TNKS: variants seen among roughly 807,000 people sequenced by gnomAD.
TNKS encodes the protein poly [ADP-ribose] polymerase tankyrase-1.
In TNKS, 72 loss-of-function variants were observed where a neutral mutation model predicts 135.8. The observed-to-expected ratio is 0.53, with a 90% confidence interval of 0.44 to 0.64. The LOEUF is 0.64. TNKS is among the 30% of genes least tolerant of loss of function. TNKS has a pLI of 0.00. For synonymous variants in TNKS, 849 were observed against 649.3 expected (o/e 1.31, Z -4.68); for missense variants, 1,769 against 1,674.0 (o/e 1.06, Z -0.99).
At chr8:9,677,033 C>A (rs551380405) in intron 3 of TNKS, among the ~76,000 whole-genome samples, 4 of 152,238 alleles carry the variant, frequency 2.6e-5, no homozygotes, top group African/African-American at 9.6e-5. Flanking sequence ...AGAACTGGTG[C>A]TTTGGCTGTT....
intron 26 of TNKS, among the ~76,000 whole-genome samples, chr8:9,772,091 G>C (rs1384868895): frequency 6.8e-6 from 1 of 146,962 alleles, no homozygotes; most frequent in Non-Finnish European, 1.5e-5. Context: ...GAGAAGGAGG[G>C]AGGGAGAAAC....
At chr8:9,773,143 ATTATAC>A (rs1808032301) in intron 26 of TNKS, among the ~76,000 whole-genome samples, 1 of 151,724 alleles carries the variant, frequency 6.6e-6, no homozygotes, top group Non-Finnish European at 1.5e-5. Flanking sequence ...TTATTCAGTA[ATTATAC>A]TTCTTCTAGA....
At position 9,580,219 on chromosome 8, in the gene TNKS, G is replaced by C. The variant is rs1330658210; in HGVS notation, c.734G>C (p.Arg245Pro). 5.0e-6 allele frequency: 8 copies of C among 1,613,972 alleles called. No homozygotes were observed. Among genetic ancestry groups the C allele is most frequent in the Non-Finnish European group, 6.8e-6 (8 of 1,180,030 alleles). The change falls in exon 2 of 27, where the codon CGT (arginine) becomes CCT (proline). Residue 245 changes from arginine (R) to proline (P), a missense_variant. Physicochemically the swap from Arg to Pro is moderately radical, Grantham distance 103 (BLOSUM62 -2). Around this residue, in one of 5 missense-constraint regions of TNKS, gnomAD observed 523 missense variants for 541.0 expected, o/e 0.97. Transcript: ENST00000310430. ...LLQMGANVHA[R>P]DDGGLIPLHN... ...CAGATGGGTGCTAATGTCCACGCTC[G>C]TGATGATGGAGGTCTCATCCCGCTT...
At position 9,780,288 on chromosome 8, in the gene TNKS, T is replaced by C. The variant is rs1288207027; in HGVS notation, c.*3552T>C. 6.6e-6 allele frequency: 1 copy of C among 152,096 alleles called. No homozygotes were observed. Among genetic ancestry groups the C allele is most frequent in the Non-Finnish European group, 1.5e-5 (1 of 68,026 alleles). 9.4% of individuals were successfully genotyped at this position (152,096 alleles called of 1,614,324 possible). A position where few individuals can be genotyped will look rare whatever the true frequency, so the allele number is the denominator to read the frequency against. On this transcript the variant is annotated 3_prime_UTR_variant, in exon 27 of 27. Coordinates refer to ENST00000310430, the MANE Select transcript of TNKS (RefSeq NM_003747.3). ...GTATTTTCAAGCACCTTTCCCCCAT[T>C]GTATCCGAATCCCTCTTGTGTGATA...
At chr8:9,612,696 G>GCTC (rs1799506270) in intron 2 of TNKS, among the ~76,000 whole-genome samples, 1 of 152,098 alleles carries the variant, frequency 6.6e-6, no homozygotes, top group Admixed American at 6.5e-5. Flanking sequence ...ACACTATAAT[G>GCTC]GTAGAGTCGA....
At chr8:9,707,143 G>T (rs774500164) in intron 8 of TNKS, 146 bp downstream of exon 8, 1 of 704,002 alleles carries the variant, frequency 1.4e-6, no homozygotes, top group Non-Finnish European at 2.2e-6. Context: ...TTTTCTTCAT[G>T]AATTCCATGG....
At position 9,580,444 on chromosome 8, in the gene TNKS, G is replaced by T. The variant is rs77856261; in HGVS notation, c.898+61G>T. ...AAGGTTTATTCTTACTTTTTTTGTG[G>T]TACAAATAGTGTTTCCTGAGAATAG... On this transcript the variant is annotated intron_variant, in intron 2 of 26. Transcript: ENST00000310430. 169 of 1,451,772 alleles carry T rather than the reference G, an allele frequency of 1.2e-4. 1 individual carries two copies. The highest frequency in any genetic ancestry group is 1.4e-4 in the Non-Finnish European group (153 of 1,056,778). The allele number at this position is 1,451,772 out of a possible 1,614,324, so 89.9% of individuals were successfully genotyped here.
In TNKS at chr8:9,594,622, CAT is replaced by C. The variant is rs542402245; in HGVS notation, c.898+14242_898+14243del. 7.9e-5 allele frequency among the ~76,000 whole-genome samples: 12 copies of C among 152,208 alleles called. No individual in the cohort carries two copies. In the South Asian group the frequency reaches 1.2e-3, roughly 16 times the overall value. On this transcript the variant is annotated intron_variant, in intron 2 of 26. Coordinates refer to ENST00000310430, the MANE Select transcript of TNKS (RefSeq NM_003747.3). Reference sequence around the variant, plus strand: ...TTTATTTTTCTACTTTATGTAGTAACATATTTTATTGTCAGTGAATATTTTTA... The same window carrying C: ...TTTATTTTTCTACTTTATGTAGTAACATTTTATTGTCAGTGAATATTTTTA...
rs779293720 is a variant in TNKS at position 9,556,478 on chromosome 8, G to T, written c.539G>T (p.Ser180Ile). Reference sequence around the variant, plus strand: ...CCTGGGACAGGGGTCCCAGCAGTGAGCGGGGCCCTACGGGAACTGCTGGAG... The same window carrying T: ...CCTGGGACAGGGGTCCCAGCAGTGATCGGGGCCCTACGGGAACTGCTGGAG... The part of the protein sequence containing the change: ...AGPGTGVPAV[S>I]GALRELLEAC... The change falls in exon 1 of 27, where the codon AGC (serine) becomes ATC (isoleucine). Residue 180 changes from serine (S) to isoleucine (I), a missense_variant. By Grantham distance (142) the Ser-to-Ile change is moderately radical (BLOSUM62 -2). Coordinates refer to ENST00000310430, the MANE Select transcript of TNKS (RefSeq NM_003747.3). 2 of 1,614,154 alleles carry T rather than the reference G, an allele frequency of 1.2e-6. No individual in the cohort carries two copies. Among genetic ancestry groups the T allele is most frequent in the Admixed American group, 1.7e-5 (1 of 60,024 alleles).
intron 8 of TNKS, among the ~76,000 whole-genome samples, 178 bp downstream of exon 8, chr8:9,707,175 TTTG>T (rs1435925726): frequency 2.6e-5 from 4 of 152,234 alleles, no homozygotes; most frequent in African/African-American, 9.6e-5. Context: ...ACAGACACTT[TTTG>T]TATATATTGT....
At position 9,599,869 on chromosome 8, in the gene TNKS, T is replaced by C. The variant is rs527499423; in HGVS notation, c.899-15713T>C. Among the ~76,000 whole-genome samples the C allele has an allele frequency of 2.0e-5, 3 of 152,324 alleles. No individual in the cohort carries two copies. The South Asian group carries it at 6.2e-4, about 32-fold the overall frequency. ...GCAAAATTGAATTGGAAGATTCTTT[T>C]ATTATTGTAAAATTTCATGCCAGAG... is the stretch of plus-strand genomic sequence containing the variant. On this transcript the variant is annotated intron_variant, in intron 2 of 26. Transcript: ENST00000310430.
chr8:9,686,812 A>T (rs1803024039), intron 5 of TNKS, among the ~76,000 whole-genome samples: 1 of 152,188 alleles, frequency 6.6e-6, no homozygotes. Flanking sequence ...AGCTGTTATT[A>T]GCCATGTGTT....
At chr8:9,724,035 T>A (rs144488272) in intron 12 of TNKS, among the ~76,000 whole-genome samples, 111 of 152,330 alleles carry the variant, frequency 7.3e-4, no homozygotes, top group Middle Eastern at 3.4e-3. Flanking sequence ...ATAAAAGATG[T>A]TTTTAAAAAT....
chr8:9,662,452 G>A (rs1563151221), intron 3 of TNKS, among the ~76,000 whole-genome samples: 1 of 152,174 alleles, frequency 6.6e-6, no homozygotes, highest in Non-Finnish European at 1.5e-5. Flanking sequence ...GTAGGGACAT[G>A]GATGAAGCTG....
chr8:9,591,317 G>C (rs1284168595), intron 2 of TNKS, among the ~76,000 whole-genome samples: 1 of 152,106 alleles, frequency 6.6e-6, no homozygotes. Flanking sequence ...TTGTTGTATG[G>C]TGTTTCATTG....
At chr8:9,703,841 T>C (rs1026206492) in intron 5 of TNKS, among the ~76,000 whole-genome samples, 1 of 152,142 alleles carries the variant, frequency 6.6e-6, no homozygotes, top group Non-Finnish European at 1.5e-5. Context: ...AGGTGGAAAA[T>C]TGCTATGGTT....
chr8:9,703,899 G>T (rs1354403827), intron 5 of TNKS, among the ~76,000 whole-genome samples: 1 of 152,156 alleles, frequency 6.6e-6, no homozygotes, highest in Non-Finnish European at 1.5e-5. Flanking sequence ...TTCTTAAAAG[G>T]TGAGAAGTTT....
At chr8:9,722,933 A>G (rs1347825383) in intron 12 of TNKS, among the ~76,000 whole-genome samples, 2 of 137,480 alleles carry the variant, frequency 1.5e-5, no homozygotes, top group African/African-American at 5.2e-5. Context: ...AGAATATATG[A>G]GTTCTGGCAA....
At chr8:9,704,554 C>A in intron 5 of TNKS, 109 bp from the exon 6 acceptor site, 1 of 830,564 alleles carries the variant, frequency 1.2e-6, no homozygotes, top group Non-Finnish European at 1.9e-6. Flanking sequence ...GACATTTCAG[C>A]GCAGTATTTT....
Sources: gnomAD v4.1 joint callset for allele counts (sites outside exome capture counted in the v4.1 genomes callset) on GRCh38, gnomAD v4.1.1 for gene constraint, gnomAD v4.1.1 regional missense constraint, MANE v1.5 for transcripts, NCBI Gene and HGNC (gene_info 2026-07-23, HGNC 2026-07-21) for gene names.